Variants in BTBD9 observed in about 807,000 individuals in gnomAD.
BTBD9 encodes the protein BTB domain containing 9.
BTBD9 carries 49 observed loss-of-function variants against 64.3 expected under a neutral mutation model. The ratio of observed to expected loss-of-function variants is 0.76; its 90% CI spans 0.61 to 0.97. BTBD9 has a LOEUF of 0.97. Ranked by LOEUF, BTBD9 falls within the 50% of genes least tolerant of loss-of-function variation. The pLI, the probability that BTBD9 is intolerant of heterozygous loss-of-function variation, is 0.00. For synonymous variants in BTBD9, 260 were observed against 274.7 expected (o/e 0.95, Z 0.53); for missense variants, 598 against 762.1 (o/e 0.78, Z 2.53).
At chr6:38,516,934 A>G (rs865996327) in intron 6 of BTBD9, among the ~76,000 whole-genome samples, 3 of 152,342 alleles carry the variant, frequency 2.0e-5, no homozygotes, top group Middle Eastern at 6.8e-3. Context: ...TCTGAATAAA[A>G]AGTGAAAATT....
chr6:38,352,091 TA>T (rs1462520571), intron 6 of BTBD9, among the ~76,000 whole-genome samples: 1 of 152,152 alleles, frequency 6.6e-6, no homozygotes, highest in African/African-American at 2.4e-5. Flanking sequence ...AAAAATCTAC[TA>T]GGGGTCAGGC....
chr6:38,409,077 C>T (rs916971808), intron 6 of BTBD9, among the ~76,000 whole-genome samples: 2 of 152,138 alleles, frequency 1.3e-5, no homozygotes, highest in African/African-American at 4.8e-5. Flanking sequence ...TGGTGAAACC[C>T]TGTCTTCACT....
At chr6:38,303,862 T>TAC (rs1561997875) in intron 7 of BTBD9, among the ~76,000 whole-genome samples, 1 of 120,742 alleles carries the variant, frequency 8.3e-6, no homozygotes, top group African/African-American at 3.5e-5. Flanking sequence ...TATATATATA[T>TAC]ATATATATAT....
intron 6 of BTBD9, among the ~76,000 whole-genome samples, chr6:38,381,180 A>G (rs1186339431): frequency 6.6e-6 from 1 of 152,194 alleles, no homozygotes; most frequent in Non-Finnish European, 1.5e-5. Context: ...ATAGTTTAAA[A>G]GACAGATAAC....
intron 6 of BTBD9, among the ~76,000 whole-genome samples, chr6:38,386,388 A>C (rs938167228): frequency 7.9e-5 from 12 of 152,132 alleles, no homozygotes; most frequent in African/African-American, 2.9e-4. Context: ...AAAATAACAT[A>C]AGATTAAAGA....
intron 6 of BTBD9, among the ~76,000 whole-genome samples, chr6:38,535,702 C>G (rs187899011): frequency 2.4e-4 from 37 of 152,148 alleles, no homozygotes; most frequent in Admixed American, 9.2e-4. Context: ...AGAACAAATC[C>G]ACACACCTAC....
intron 9 of BTBD9, among the ~76,000 whole-genome samples, chr6:38,213,481 A>G (rs894309263): frequency 6.6e-6 from 1 of 152,170 alleles, no homozygotes; most frequent in South Asian, 2.1e-4. Context: ...ATCTCTGAAT[A>G]TGAGTTCTGT....
At chr6:38,428,947 G>A (rs1768309518) in intron 6 of BTBD9, among the ~76,000 whole-genome samples, 1 of 151,476 alleles carries the variant, frequency 6.6e-6, no homozygotes, top group South Asian at 2.1e-4. Context: ...CTGAACTCGT[G>A]ATCTGCCTGC....
At chr6:38,286,576 C>G (rs9394483) in intron 8 of BTBD9, among the ~76,000 whole-genome samples, 14,877 of 151,926 alleles carry the variant, frequency 0.098, 1,736 homozygotes, top group East Asian at 0.4. Context: ...CTTCTTAGAA[C>G]ATTAAATAAT....
At chr6:38,538,814 T>C (rs1463975665) in intron 6 of BTBD9, among the ~76,000 whole-genome samples, 1 of 151,704 alleles carries the variant, frequency 6.6e-6, no homozygotes, top group Non-Finnish European at 1.5e-5. Context: ...GACAGAGTCT[T>C]GCTCTGTAGC....
chr6:38,602,868 G>C (rs539833855), intron 1 of BTBD9, among the ~76,000 whole-genome samples: 1 of 151,990 alleles, frequency 6.6e-6, no homozygotes, highest in East Asian at 1.9e-4. Context: ...GAAAAAAAAA[G>C]TTCATTACAC....
At chr6:38,206,031 C>T (rs1232970060) in intron 9 of BTBD9, among the ~76,000 whole-genome samples, 2 of 151,904 alleles carry the variant, frequency 1.3e-5, no homozygotes, top group Non-Finnish European at 2.9e-5. Flanking sequence ...GACAACTAGT[C>T]CAGACTGCAG....
intron 9 of BTBD9, among the ~76,000 whole-genome samples, chr6:38,238,296 G>A (rs7356868): frequency 0.31 from 46,558 of 151,972 alleles, 8,088 homozygotes; most frequent in East Asian, 0.5. Flanking sequence ...TTAGGGAGAC[G>A]TGAGACGTCA....
At chr6:38,228,350 C>CT (rs1367040263) in intron 9 of BTBD9, among the ~76,000 whole-genome samples, 2 of 51,114 alleles carry the variant, frequency 3.9e-5, no homozygotes, top group African/African-American at 6.4e-5. Context: ...GTCCCCCCCC[C>CT]CAAAAAAAAA....
intron 1 of BTBD9, among the ~76,000 whole-genome samples, chr6:38,615,832 C>A (rs1582721473): frequency 6.6e-6 from 1 of 152,160 alleles, no homozygotes; most frequent in East Asian, 1.9e-4. Flanking sequence ...TTATTGCGGT[C>A]CTTTTTCAAA....
chr6:38,538,034 T>C (rs1261985165), intron 6 of BTBD9, among the ~76,000 whole-genome samples: 2 of 152,206 alleles, frequency 1.3e-5, no homozygotes, highest in Admixed American at 1.3e-4. Context: ...AATAACCTTC[T>C]ACTTTTATAA....
At chr6:38,339,210 C>T (rs77876865) in intron 7 of BTBD9, among the ~76,000 whole-genome samples, 14 of 152,144 alleles carry the variant, frequency 9.2e-5, no homozygotes, top group African/African-American at 1.7e-4. Flanking sequence ...ACAACCCAAA[C>T]GGTTCATCAA....
intron 6 of BTBD9, among the ~76,000 whole-genome samples, chr6:38,424,913 AC>A (rs1768078354): frequency 6.6e-6 from 1 of 151,610 alleles, no homozygotes; most frequent in Admixed American, 6.6e-5. Context: ...ATATCGGCTT[AC>A]TGCAACCTCC....
chr6:38,476,028 C>T (rs918540321), intron 6 of BTBD9, among the ~76,000 whole-genome samples: 2 of 152,094 alleles, frequency 1.3e-5, no homozygotes, highest in Non-Finnish European at 1.5e-5. Flanking sequence ...TGGAAATGTC[C>T]ACTCGATTTC....
Sources: gnomAD v4.1 joint callset for allele counts (sites outside exome capture counted in the v4.1 genomes callset) on GRCh38, gnomAD v4.1.1 for gene constraint, MANE v1.5 for transcripts, NCBI Gene and HGNC (gene_info 2026-07-23, HGNC 2026-07-21) for gene names.